The following PPP6R3 variants were observed in gnomAD, a reference collection of about 807,000 sequenced individuals.
PPP6R3 encodes the protein serine/threonine-protein phosphatase 6 regulatory subunit 3.
In PPP6R3, 38 loss-of-function variants were observed where a neutral mutation model predicts 110.7. The ratio of observed to expected loss-of-function variants is 0.34; its 90% CI spans 0.26 to 0.45. The LOEUF is 0.45. PPP6R3 is among the 20% of genes least tolerant of loss of function. The pLI is 1.00. For missense variants in PPP6R3, 870 were observed against 1,062.4 expected (o/e 0.82, Z 2.52); for synonymous variants, 369 against 373.5 (o/e 0.99, Z 0.14).
intron 3 of PPP6R3, among the ~76,000 whole-genome samples, chr11:68,542,852 A>C (rs1384511802): frequency 6.6e-6 from 1 of 152,142 alleles, no homozygotes. Flanking sequence ...ACAAATTTTA[A>C]AGTTGCTCAT....
At chr11:68,530,490 C>T (rs1483479175) in intron 2 of PPP6R3, among the ~76,000 whole-genome samples, 2 of 152,090 alleles carry the variant, frequency 1.3e-5, no homozygotes, top group East Asian at 1.9e-4. Context: ...GTTTGTGCTC[C>T]GTATGTTTAG....
chr11:68,547,680 C>T (rs573505536), intron 4 of PPP6R3, among the ~76,000 whole-genome samples: 4 of 152,170 alleles, frequency 2.6e-5, no homozygotes, highest in Non-Finnish European at 5.9e-5. Context: ...TTGAATATTA[C>T]TTATTTTAGT....
chr11:68,556,877 G>A (rs1233650422), intron 7 of PPP6R3, among the ~76,000 whole-genome samples: 1 of 152,164 alleles, frequency 6.6e-6, no homozygotes, highest in East Asian at 1.9e-4. Flanking sequence ...TCAAGTTTTC[G>A]CTGGTTATTA....
At chr11:68,532,810 A>C (rs535591476) in intron 2 of PPP6R3, among the ~76,000 whole-genome samples, 7 of 152,352 alleles carry the variant, frequency 4.6e-5, no homozygotes, top group African/African-American at 1.7e-4. Context: ...AGTACACAGT[A>C]ACATGCTGTG....
intron 3 of PPP6R3, among the ~76,000 whole-genome samples, chr11:68,542,248 T>TGG (rs2153663420): frequency 6.6e-6 from 1 of 151,358 alleles, no homozygotes; most frequent in South Asian, 2.1e-4. Flanking sequence ...CAGCTGTAGG[T>TGG]GGGGATGTGA....
chr11:68,609,866 T>G, intron 22 of PPP6R3, 38 bp from the exon 23 acceptor site: 1 of 1,612,728 alleles, frequency 6.2e-7, no homozygotes, highest in Non-Finnish European at 8.5e-7. Flanking sequence ...TGCTGGTCCC[T>G]AGGGTGTTTG....
intron 1 of PPP6R3, among the ~76,000 whole-genome samples, chr11:68,461,467 G>T (rs754382563): frequency 8.0e-6 from 1 of 125,728 alleles, no homozygotes; most frequent in African/African-American, 3.0e-5. Flanking sequence ...TGTCTCGAAT[G>T]CCTCCCTGGT....
intron 1 of PPP6R3, among the ~76,000 whole-genome samples, chr11:68,513,807 T>A (rs2099122436): frequency 6.6e-6 from 1 of 152,264 alleles, no homozygotes; most frequent in African/African-American, 2.4e-5. Context: ...ATTTTTAGTG[T>A]TGACTTTGTG....
chr11:68,560,601 G>T (rs1335284510), intron 8 of PPP6R3, among the ~76,000 whole-genome samples: 1 of 152,166 alleles, frequency 6.6e-6, no homozygotes, highest in Non-Finnish European at 1.5e-5. Flanking sequence ...GCCTAGATAG[G>T]CTCAATTGGT....
chr11:68,505,145 A>AT (rs2099069075), intron 1 of PPP6R3: 1 of 152,194 alleles, frequency 6.6e-6, no homozygotes, highest in South Asian at 2.1e-4. Context: ...TCATTTACAG[A>AT]TAAGAAAACA....
intron 2 of PPP6R3, among the ~76,000 whole-genome samples, chr11:68,529,304 T>C (rs2099222387): frequency 6.6e-6 from 1 of 152,176 alleles, no homozygotes; most frequent in Non-Finnish European, 1.5e-5. Flanking sequence ...CTGCAACCTC[T>C]GCCAACCGGG....
chr11:68,497,414 G>A (rs969514619), intron 1 of PPP6R3, among the ~76,000 whole-genome samples: 1 of 151,586 alleles, frequency 6.6e-6, no homozygotes, highest in Non-Finnish European at 1.5e-5. Context: ...GTGCAGTGCT[G>A]CGATCACTGC....
At chr11:68,527,425 C>A (rs1272229667) in intron 2 of PPP6R3, among the ~76,000 whole-genome samples, 2 of 152,162 alleles carry the variant, frequency 1.3e-5, no homozygotes, top group Non-Finnish European at 2.9e-5. Context: ...CAGTGCCCCA[C>A]CTCAGGCGTC....
chr11:68,471,660 G>A (rs745990310), intron 1 of PPP6R3, among the ~76,000 whole-genome samples: 2 of 152,210 alleles, frequency 1.3e-5, no homozygotes, highest in Non-Finnish European at 2.9e-5. Flanking sequence ...CAGTGATGAA[G>A]GGATATTTGG....
intron 14 of PPP6R3, among the ~76,000 whole-genome samples, chr11:68,581,172 T>C (rs2099552964): frequency 6.6e-6 from 1 of 152,214 alleles, no homozygotes; most frequent in African/African-American, 2.4e-5. Flanking sequence ...TATGAAGATG[T>C]GTGTGCATTG....
chr11:68,523,461 C>T (rs896771178), intron 2 of PPP6R3, among the ~76,000 whole-genome samples: 8 of 152,166 alleles, frequency 5.3e-5, no homozygotes, highest in Admixed American at 3.3e-4. Context: ...TGTCTGAAAA[C>T]GTTGGTTTCA....
intron 1 of PPP6R3, among the ~76,000 whole-genome samples, chr11:68,517,188 C>T (rs1389289831): frequency 6.7e-6 from 1 of 149,436 alleles, no homozygotes; most frequent in Non-Finnish European, 1.5e-5. Context: ...TTTCAATTTT[C>T]TTTCCTGTTT....
intron 6 of PPP6R3, among the ~76,000 whole-genome samples, chr11:68,551,388 A>C (rs367749753): frequency 3.0e-4 from 46 of 152,342 alleles, no homozygotes; most frequent in African/African-American, 1.1e-3. Context: ...AGAAGTGTAC[A>C]ACAGCAGGCC....
At chr11:68,519,917 A>G (rs1460802071) in intron 2 of PPP6R3, among the ~76,000 whole-genome samples, 2 of 152,198 alleles carry the variant, frequency 1.3e-5, no homozygotes, top group Non-Finnish European at 2.9e-5. Flanking sequence ...ATGACCAGCC[A>G]GGCCTAGTAA....
Sources: gnomAD v4.1 joint callset for allele counts (sites outside exome capture counted in the v4.1 genomes callset) on GRCh38, gnomAD v4.1.1 for gene constraint, MANE v1.5 for transcripts, NCBI Gene and HGNC (gene_info 2026-07-23, HGNC 2026-07-21) for gene names.